MAPK8: variants seen among roughly 807,000 people sequenced by gnomAD.
MAPK8 encodes mitogen-activated protein kinase 8.
Under a neutral mutation model 52.9 loss-of-function variants are expected in MAPK8, and 13 were observed. That is an observed-to-expected ratio of 0.25 (90% CI 0.16 to 0.39). MAPK8 has a LOEUF of 0.39. Ranked by LOEUF, MAPK8 falls within the 10% of genes least tolerant of loss-of-function variation. The probability of loss-of-function intolerance (pLI) is 1.00; values close to 1 mark genes in which losing one functional copy is unlikely to be tolerated. For missense variants in MAPK8, 300 were observed against 519.2 expected (o/e 0.58, Z 4.10); for synonymous variants, 191 against 169.8 (o/e 1.12, Z -0.97).
chr10:48,426,797 T>C (rs1033036448), intron 9 of MAPK8: 2 of 478,254 alleles, frequency 4.2e-6, no homozygotes, highest in African/African-American at 3.9e-5. Context: ...TAAAACAAAT[T>C]ACTGTATCCA....
chr10:48,332,998 C>T (rs2132265377), intron 1 of MAPK8, among the ~76,000 whole-genome samples: 1 of 152,308 alleles, frequency 6.6e-6, no homozygotes, highest in South Asian at 2.1e-4. Flanking sequence ...TTATTTCCAT[C>T]AATGACACCA....
intron 1 of MAPK8, among the ~76,000 whole-genome samples, chr10:48,318,828 A>G (rs1009826032): frequency 2.3e-4 from 35 of 152,256 alleles, no homozygotes; most frequent in African/African-American, 8.2e-4. Flanking sequence ...CGAACAAGAA[A>G]GGTTAAAGGT....
At chr10:48,430,866 G>C (rs769443213) in intron 10 of MAPK8, 3 of 333,224 alleles carry the variant, frequency 9.0e-6, no homozygotes, top group Non-Finnish European at 1.7e-5. Context: ...TGGTAGTACA[G>C]AATGGTATGT....
chr10:48,399,468 C>T (rs903016377), intron 1 of MAPK8, among the ~76,000 whole-genome samples: 1 of 152,182 alleles, frequency 6.6e-6, no homozygotes, highest in Admixed American at 6.5e-5. Flanking sequence ...GGAGTTGTGA[C>T]TATCCATGCT....
chr10:48,313,778 G>A (rs1427232335), intron 1 of MAPK8, among the ~76,000 whole-genome samples: 1 of 151,892 alleles, frequency 6.6e-6, no homozygotes, highest in Non-Finnish European at 1.5e-5. Flanking sequence ...TTTTTGAGAC[G>A]GAGTCTCACT....
chr10:48,397,361 G>A (rs1004080498), intron 1 of MAPK8, among the ~76,000 whole-genome samples: 2 of 151,560 alleles, frequency 1.3e-5, no homozygotes, highest in Admixed American at 6.6e-5. Context: ...TCTCTATGTT[G>A]CCTAGGCTGG....
chr10:48,402,134 T>C (rs890284261), intron 2 of MAPK8, among the ~76,000 whole-genome samples: 1 of 152,190 alleles, frequency 6.6e-6, no homozygotes, highest in Non-Finnish European at 1.5e-5. Flanking sequence ...TCTCGAGCAT[T>C]TTAGATTTCA....
At chr10:48,423,960 A>G (rs1176819577) in intron 6 of MAPK8, 128 bp from the exon 7 acceptor site, 14 of 545,534 alleles carry the variant, frequency 2.6e-5, no homozygotes, top group East Asian at 5.9e-5. Flanking sequence ...TCCGTTAGCT[A>G]AAGTTACAAT....
At chr10:48,357,795 A>T (rs1847120656) in intron 1 of MAPK8, among the ~76,000 whole-genome samples, 1 of 152,200 alleles carries the variant, frequency 6.6e-6, no homozygotes, top group Non-Finnish European at 1.5e-5. Flanking sequence ...TCACCACTGT[A>T]TAGTTCCAGG....
At position 48,435,188 on chromosome 10, in the gene MAPK8, T is replaced by A; in HGVS notation, c.*159T>A. 1.8e-6 allele frequency: 1 copy of A among 549,254 alleles called. No individual in the cohort carries two copies. The allele number at this position is 549,254 out of a possible 1,614,324, so 34.0% of individuals were successfully genotyped here. A position where few individuals can be genotyped will look rare whatever the true frequency, so the allele number is the denominator to read the frequency against. ...GTTTATTTTTTTTAATTTCAAGTGA[T>A]GTAATTTAAAACCTAAGTTGTGTTT... is the stretch of plus-strand genomic sequence containing the variant. On this transcript the variant is annotated 3_prime_UTR_variant, in exon 12 of 12. Coordinates refer to ENST00000374189, the MANE Select transcript of MAPK8 (RefSeq NM_001323329.2).
At chr10:48,316,742 A>G (rs1842539285) in intron 1 of MAPK8, among the ~76,000 whole-genome samples, 1 of 152,198 alleles carries the variant, frequency 6.6e-6, no homozygotes, top group Admixed American at 6.5e-5. Context: ...GTAGTTAGGT[A>G]CTTAGCTGAA....
intron 1 of MAPK8, among the ~76,000 whole-genome samples, chr10:48,349,608 C>T (rs1319475925): frequency 6.6e-6 from 1 of 152,130 alleles, no homozygotes; most frequent in African/African-American, 2.4e-5. Context: ...ATCTCTGGGA[C>T]ACAGCTAAAG....
rs890942075 is a variant in MAPK8 at position 48,333,705 on chromosome 10, G to C, written c.-50+26884G>C. 2.0e-5 allele frequency among the ~76,000 whole-genome samples: 3 copies of C among 152,414 alleles called. No individual in the cohort carries two copies. In the South Asian group the frequency reaches 6.2e-4, roughly 32 times the overall value. On this transcript the variant is annotated intron_variant, in intron 1 of 11. Coordinates refer to ENST00000374189, the MANE Select transcript of MAPK8 (RefSeq NM_001323329.2). ...GGGGTGGGGACACGGGGCAGAGCCA[G>C]TCCTCCTGTTTGGGGCCTGGGCCTA...
chr10:48,377,182 CAG>C (rs1228513252), intron 1 of MAPK8, among the ~76,000 whole-genome samples: 1 of 152,042 alleles, frequency 6.6e-6, no homozygotes. Context: ...CACATGGACA[CAG>C]GGAGGGGAAC....
At chr10:48,404,747 ACTTGT>A (rs1255533350) in intron 2 of MAPK8, 100 bp from the exon 3 acceptor site, 6 of 795,188 alleles carry the variant, frequency 7.5e-6, no homozygotes, top group Non-Finnish European at 1.2e-5. Flanking sequence ...GGATCCAGTT[ACTTGT>A]CTTTGGAGAA....
intron 1 of MAPK8, among the ~76,000 whole-genome samples, chr10:48,322,682 C>A (rs938346533): frequency 1.3e-5 from 2 of 152,148 alleles, no homozygotes; most frequent in African/African-American, 2.4e-5. Context: ...ATTTAATCCT[C>A]TCTAGTCATG....
chr10:48,412,577 C>T (rs1343940451), intron 5 of MAPK8, among the ~76,000 whole-genome samples: 1 of 152,180 alleles, frequency 6.6e-6, no homozygotes, highest in East Asian at 1.9e-4. Context: ...TTCTCCTCCA[C>T]TTTAATGTTT....
chr10:48,404,807 T>C (rs765697718), intron 2 of MAPK8, 45 bp from the exon 3 acceptor site: 1 of 1,526,828 alleles, frequency 6.5e-7, no homozygotes, highest in South Asian at 1.2e-5. Flanking sequence ...GTTTACAGAT[T>C]TTTGCTTGAA....
At chr10:48,321,836 T>C (rs1168401166) in intron 1 of MAPK8, among the ~76,000 whole-genome samples, 1 of 152,244 alleles carries the variant, frequency 6.6e-6, no homozygotes, top group Non-Finnish European at 1.5e-5. Flanking sequence ...CTCTGAATTC[T>C]ATTCCATTGA....
Sources: gnomAD v4.1 joint callset for allele counts (sites outside exome capture counted in the v4.1 genomes callset) on GRCh38, gnomAD v4.1.1 for gene constraint, MANE v1.5 for transcripts, NCBI Gene and HGNC (gene_info 2026-07-23, HGNC 2026-07-21) for gene names.